The following KCNB2 variants were observed in gnomAD, a reference collection of about 807,000 sequenced individuals.
KCNB2 encodes delayed rectifier potassium channel protein.
KCNB2 carries 15 observed loss-of-function variants against 61.5 expected under a neutral mutation model. That is an observed-to-expected ratio of 0.24 (90% CI 0.16 to 0.38). The LOEUF is 0.38. Ranked by LOEUF, KCNB2 falls within the 10% of genes least tolerant of loss-of-function variation. The probability of loss-of-function intolerance (pLI) is 1.00; values close to 1 mark genes in which losing one functional copy is unlikely to be tolerated. For missense variants in KCNB2, 828 were observed against 1,125.2 expected (o/e 0.74, Z 3.78); for synonymous variants, 457 against 446.0 (o/e 1.02, Z -0.31).
At chr8:72,729,885 CAAA>C (rs879936863) in intron 2 of KCNB2, among the ~76,000 whole-genome samples, 35 of 135,078 alleles carry the variant, frequency 2.6e-4, no homozygotes, top group African/African-American at 9.3e-4. Context: ...AACTCCGTCT[CAAA>C]AAAAAAAAAG....
chr8:72,637,961 T>G (rs1805992698), intron 2 of KCNB2, among the ~76,000 whole-genome samples: 1 of 152,176 alleles, frequency 6.6e-6, no homozygotes. Flanking sequence ...CAGTGTTTCC[T>G]TCCTCCTCCT....
chr8:72,568,036 A>G lies in KCNB2; in HGVS notation c.302A>G (p.Asn101Ser). 6.2e-7 allele frequency: 1 copy of G among 1,614,098 alleles called. No homozygotes were observed. The highest frequency in any genetic ancestry group is 1.1e-5 in the South Asian group (1 of 91,068). Residue 101 changes from asparagine (N) to serine (S), a missense_variant, in exon 2 of 3, where the codon AAT becomes AGT. This residue lies in a region of KCNB2 where 163 missense variants were observed against 314.4 expected (regional missense o/e 0.52). Coordinates refer to ENST00000523207, the MANE Select transcript of KCNB2 (RefSeq NM_004770.3). ...CCAGGAGCCTTCACTTCCATTTTAA[A>G]TTTCTACCGGACCGGGAAACTCCAT... ...RHPGAFTSILNFYRTGKLHMM... is the reference protein window; with the variant it reads ...RHPGAFTSILSFYRTGKLHMM...
chr8:72,609,370 G>T (rs1265997585), intron 2 of KCNB2, among the ~76,000 whole-genome samples: 1 of 152,152 alleles, frequency 6.6e-6, no homozygotes, highest in African/African-American at 2.4e-5. Flanking sequence ...AGCTTTATGT[G>T]ATTCATAAAA....
chr8:72,921,959 T>G (rs1398218359), intron 2 of KCNB2, among the ~76,000 whole-genome samples: 1 of 152,206 alleles, frequency 6.6e-6, no homozygotes, highest in East Asian at 1.9e-4. Flanking sequence ...CTATCTCTCA[T>G]TAAAGTCTGG....
chr8:72,882,298 C>A (rs1348855559), intron 2 of KCNB2, among the ~76,000 whole-genome samples: 1 of 152,088 alleles, frequency 6.6e-6, no homozygotes, highest in African/African-American at 2.4e-5. Flanking sequence ...TATAAAGGAA[C>A]TGGAAAAACT....
intron 2 of KCNB2, among the ~76,000 whole-genome samples, chr8:72,913,165 G>A (rs183447507): frequency 6.6e-6 from 1 of 152,104 alleles, no homozygotes; most frequent in Non-Finnish European, 1.5e-5. Flanking sequence ...AGTTTCTAAA[G>A]AAAAGGTGCC....
intron 2 of KCNB2, among the ~76,000 whole-genome samples, chr8:72,709,242 C>A (rs578203669): frequency 6.6e-6 from 1 of 152,274 alleles, no homozygotes; most frequent in South Asian, 2.1e-4. Context: ...TAAGCTGTCT[C>A]TATCACTTTC....
chr8:72,725,098 AAAT>A (rs1213867170), intron 2 of KCNB2, among the ~76,000 whole-genome samples: 1 of 152,188 alleles, frequency 6.6e-6, no homozygotes, highest in Non-Finnish European at 1.5e-5. Flanking sequence ...TTAAAAAAGA[AAAT>A]TATTATTTTG....
At chr8:72,631,562 A>G (rs1805882598) in intron 2 of KCNB2, among the ~76,000 whole-genome samples, 1 of 152,174 alleles carries the variant, frequency 6.6e-6, no homozygotes. Flanking sequence ...GCTTGATTAC[A>G]TTGGTAAAGA....
intron 2 of KCNB2, among the ~76,000 whole-genome samples, chr8:72,873,323 C>T (rs985026074): frequency 6.6e-6 from 1 of 152,236 alleles, no homozygotes; most frequent in Non-Finnish European, 1.5e-5. Flanking sequence ...AGTCCCCACC[C>T]TTTCACTGTT....
At chr8:72,897,117 C>G (rs909548169) in intron 2 of KCNB2, among the ~76,000 whole-genome samples, 3 of 152,032 alleles carry the variant, frequency 2.0e-5, no homozygotes, top group African/African-American at 4.8e-5. Context: ...TTGCCTTGAT[C>G]TTTCCTGTGC....
At chr8:72,697,412 C>T (rs1807034646) in intron 2 of KCNB2, among the ~76,000 whole-genome samples, 1 of 152,104 alleles carries the variant, frequency 6.6e-6, no homozygotes, top group Admixed American at 6.6e-5. Context: ...AAATGCTGCT[C>T]ACATGCTATT....
At chr8:72,729,919 C>T (rs1244314972) in intron 2 of KCNB2, among the ~76,000 whole-genome samples, 2 of 151,862 alleles carry the variant, frequency 1.3e-5, no homozygotes, top group Non-Finnish European at 2.9e-5. Flanking sequence ...TATATATATA[C>T]ACACATACCT....
At chr8:72,659,887 A>T (rs1806351446) in intron 2 of KCNB2, among the ~76,000 whole-genome samples, 1 of 152,204 alleles carries the variant, frequency 6.6e-6, no homozygotes, top group Non-Finnish European at 1.5e-5. Flanking sequence ...TCTTTTGTAC[A>T]CTGGAAAAAC....
rs548551529 is a variant in KCNB2 at position 72,707,048 on chromosome 8, A to G, written c.579+138735A>G. Among the ~76,000 whole-genome samples, 5 of 152,338 alleles carry G rather than the reference A, an allele frequency of 3.3e-5. No individual in the cohort carries two copies. In the South Asian group the frequency reaches 1.0e-3, roughly 32 times the overall value. The stretch of plus-strand genomic sequence containing the variant: ...ACCTTGTAAAAGTTGGTGCTTTCCA[A>G]TTAGTACTTAATGGGATATGTAGGA... On this transcript the variant is annotated intron_variant, in intron 2 of 2. Transcript: ENST00000523207.
intron 2 of KCNB2, among the ~76,000 whole-genome samples, chr8:72,716,817 A>C (rs139656816): frequency 0.18 from 27,209 of 151,410 alleles, 3,035 homozygotes; most frequent in African/African-American, 0.34. Flanking sequence ...GGCCAGGGCA[A>C]TCAGGCAGGA....
At chr8:72,654,018 G>T (rs1271116756) in intron 2 of KCNB2, among the ~76,000 whole-genome samples, 1 of 152,104 alleles carries the variant, frequency 6.6e-6, no homozygotes, top group Non-Finnish European at 1.5e-5. Context: ...ATTAGAGAAT[G>T]CACTTTTTAG....
At chr8:72,570,613 T>A (rs948101769) in intron 2 of KCNB2, among the ~76,000 whole-genome samples, 3 of 152,080 alleles carry the variant, frequency 2.0e-5, no homozygotes, top group Non-Finnish European at 2.9e-5. Context: ...AGAGAAGTGG[T>A]AATTCAGGTA....
chr8:72,653,913 A>G (rs975413487), intron 2 of KCNB2, among the ~76,000 whole-genome samples: 2 of 152,226 alleles, frequency 1.3e-5, no homozygotes, highest in Non-Finnish European at 1.5e-5. Flanking sequence ...AGAGAAAGAT[A>G]TCTGGGTTCT....
Sources: allele counts gnomAD v4.1 joint callset (sites outside exome capture counted in the v4.1 genomes callset), GRCh38; gene constraint gnomAD v4.1.1; regional missense constraint gnomAD v4.1.1; transcripts MANE v1.5; gene names NCBI Gene and HGNC (gene_info 2026-07-23, HGNC 2026-07-21).